Variants in GNPTAB observed in about 807,000 individuals in gnomAD.
The protein encoded by GNPTAB is N-acetylglucosamine-1-phosphotransferase subunits alpha/beta.
GNPTAB carries 92 observed loss-of-function variants against 136.6 expected under a neutral mutation model. That is an observed-to-expected ratio of 0.67 (90% CI 0.57 to 0.80). The LOEUF (loss-of-function observed/expected upper bound fraction) is 0.80. Ranked by LOEUF, GNPTAB falls within the 30% of genes least tolerant of loss-of-function variation. The pLI is 0.00. For synonymous variants in GNPTAB, 512 were observed against 535.1 expected (o/e 0.96, Z 0.60); for missense variants, 1,343 against 1,501.8 (o/e 0.89, Z 1.75).
chr12:101,808,375 T>TA (rs779978335), intron 1 of GNPTAB, among the ~76,000 whole-genome samples: 13,859 of 106,666 alleles, frequency 0.13, 1,106 homozygotes, highest in East Asian at 0.45. Context: ...CCCGGGCAAT[T>TA]AAAAAAAAAA....
intron 11 of GNPTAB, 130 bp from the exon 12 acceptor site, chr12:101,766,424 G>A: frequency 1.3e-6 from 1 of 784,752 alleles, no homozygotes; most frequent in South Asian, 1.4e-5. Context: ...GATCACCTGA[G>A]GTCAGGAGTT....
intron 1 of GNPTAB, among the ~76,000 whole-genome samples, chr12:101,806,783 T>C (rs1869956191): frequency 6.6e-6 from 1 of 151,978 alleles, no homozygotes; most frequent in Non-Finnish European, 1.5e-5. Context: ...AATCAATAAT[T>C]AATAACCTTC....
At chr12:101,805,037 G>C (rs1869858573) in intron 1 of GNPTAB, among the ~76,000 whole-genome samples, 1 of 151,882 alleles carries the variant, frequency 6.6e-6, no homozygotes. Flanking sequence ...CAGACTACTG[G>C]GGAGACAAAT....
intron 9 of GNPTAB, 29 bp from the exon 10 acceptor site, chr12:101,770,220 A>T (rs1290488090): frequency 6.2e-7 from 1 of 1,610,144 alleles, no homozygotes; most frequent in Non-Finnish European, 8.5e-7. Context: ...AAAAAAAGAG[A>T]GTGAATGAGA....
chr12:101,746,949 T>A lies in GNPTAB; in HGVS notation c.*215A>T. On this transcript the variant is annotated 3_prime_UTR_variant, in exon 21 of 21. Coordinates refer to ENST00000299314, the MANE Select transcript of GNPTAB (RefSeq NM_024312.5). ...ATGAGCAAATTCTTTAAAAGTAAAA[T>A]CAGTTCAGAGCTGCTCAACACACAA... 1 of 511,090 alleles carries A rather than the reference T, an allele frequency of 2.0e-6. No homozygotes were observed. The highest frequency in any genetic ancestry group is 3.5e-6 in the Non-Finnish European group (1 of 284,046). 31.7% of individuals were successfully genotyped at this position (511,090 alleles called of 1,614,324 possible).
At chr12:101,780,651 A>AT in intron 5 of GNPTAB, 30 bp from the exon 6 acceptor site, 1 of 1,379,090 alleles carries the variant, frequency 7.3e-7, no homozygotes, top group South Asian at 1.2e-5. Flanking sequence ...AAACAAGCAC[A>AT]TTTTTAATGA....
chr12:101,810,129 C>T (rs974356270), intron 1 of GNPTAB, among the ~76,000 whole-genome samples: 1 of 151,892 alleles, frequency 6.6e-6, no homozygotes, highest in African/African-American at 2.4e-5. Context: ...TGCCTGTACA[C>T]CCAGCTACTT....
At chr12:101,776,003 G>C (rs954524195) in intron 7 of GNPTAB, among the ~76,000 whole-genome samples, 2 of 152,036 alleles carry the variant, frequency 1.3e-5, no homozygotes, top group African/African-American at 2.4e-5. Flanking sequence ...CCATGTCTCT[G>C]ACCCACACAG....
In GNPTAB at chr12:101,746,970, C is replaced by T. The variant is rs1316125482; in HGVS notation, c.*194G>A. On this transcript the variant is annotated 3_prime_UTR_variant, in exon 21 of 21. Coordinates refer to ENST00000299314, the MANE Select transcript of GNPTAB (RefSeq NM_024312.5). ...AAAATCAGTTCAGAGCTGCTCAACA[C>T]ACAAGTTTTCAGTGGGTTGGTTAAA... The T allele has an allele frequency of 6.7e-6, 4 of 593,688 alleles. No individual in the cohort carries two copies. The highest frequency in any genetic ancestry group is 1.2e-5 in the Non-Finnish European group (4 of 329,064). The allele number at this position is 593,688 out of a possible 1,614,324, so 36.8% of individuals were successfully genotyped here.
In GNPTAB at chr12:101,830,586, GGT is replaced by G. The variant is rs753382639; in HGVS notation, c.88_89del (p.Thr30HisfsTer24). On this transcript the variant is annotated frameshift_variant, in exon 1 of 21. Coordinates refer to ENST00000299314, the MANE Select transcript of GNPTAB (RefSeq NM_024312.5). LOFTEE classifies it high-confidence loss of function. ...LYVCFLGVVVTIVSAFQFGEV... is the reference protein window; with the variant it reads ...LYVCFLGVVVXIVSAFQFGEV... ...CTCCGAACTGGAAGGCGGAGACGAT[GGT>G]GACAACGACGCCCAAGAAGCACACG... is the stretch of plus-strand genomic sequence containing the variant. 6.2e-7 allele frequency: 1 copy of G among 1,612,318 alleles called. No individual in the cohort carries two copies. The highest frequency in any genetic ancestry group is 2.2e-5 in the East Asian group (1 of 44,806).
intron 1 of GNPTAB, among the ~76,000 whole-genome samples, chr12:101,800,351 T>TA (rs994862509): frequency 1.3e-5 from 2 of 151,042 alleles, no homozygotes; most frequent in Admixed American, 1.3e-4. Flanking sequence ...ATTTTTTAAT[T>TA]AAAAAAAAAT....
chr12:101,758,172 G>C (rs1258393538), intron 16 of GNPTAB, among the ~76,000 whole-genome samples: 1 of 151,894 alleles, frequency 6.6e-6, no homozygotes, highest in Non-Finnish European at 1.5e-5. Flanking sequence ...CCGAGTAGCT[G>C]GGATTACAGG....
At chr12:101,819,279 T>C (rs1476624481) in intron 1 of GNPTAB, among the ~76,000 whole-genome samples, 1 of 152,224 alleles carries the variant, frequency 6.6e-6, no homozygotes, top group Non-Finnish European at 1.5e-5. Context: ...CCCAAAGTGC[T>C]GGGATTACAG....
chr12:101,763,586 C>T (rs543315109), intron 13 of GNPTAB, among the ~76,000 whole-genome samples: 85 of 152,300 alleles, frequency 5.6e-4, no homozygotes, highest in African/African-American at 2.0e-3. Flanking sequence ...TATCTCAACA[C>T]AGACACATCT....
Position 101,770,202 on chromosome 12 carries a change from C to T in GNPTAB, c.1114-11G>A, listed in dbSNP as rs746794158. The T allele has an allele frequency of 1.2e-6, 2 of 1,613,242 alleles. No homozygotes were observed. The highest frequency in any genetic ancestry group is 1.7e-5 in the Admixed American group (1 of 59,920). ...ATTTCGAAAAACATCCTTTTAACAA[C>T]AACAAACAAAAAAAGAGAGTGAATG... On this transcript the variant is annotated splice_polypyrimidine_tract_variant and intron_variant, in intron 9 of 20. Coordinates refer to ENST00000299314, the MANE Select transcript of GNPTAB (RefSeq NM_024312.5).
At chr12:101,817,099 T>TA (rs1870546665) in intron 1 of GNPTAB, among the ~76,000 whole-genome samples, 1 of 150,132 alleles carries the variant, frequency 6.7e-6, no homozygotes, top group South Asian at 2.1e-4. Flanking sequence ...CAAAAATAGT[T>TA]AGATAGTCCT....
At chr12:101,813,818 C>T (rs1052625381) in intron 1 of GNPTAB, among the ~76,000 whole-genome samples, 2 of 152,024 alleles carry the variant, frequency 1.3e-5, no homozygotes, top group Admixed American at 6.6e-5. Context: ...TGGTGGCTCA[C>T]GCCTGTAATC....
intron 14 of GNPTAB, 32 bp downstream of exon 14, chr12:101,761,532 A>C: frequency 1.9e-6 from 3 of 1,598,240 alleles, no homozygotes; most frequent in East Asian, 4.5e-5. Context: ...TTCTGAACAC[A>C]AGCAAACAAC....
At chr12:101,751,943 A>C (rs1952825363) in intron 19 of GNPTAB, among the ~76,000 whole-genome samples, 1 of 151,982 alleles carries the variant, frequency 6.6e-6, no homozygotes, top group Non-Finnish European at 1.5e-5. Flanking sequence ...AAATGGACCT[A>C]CTACAGAGTT....
Sources: gnomAD v4.1 joint callset for allele counts (sites outside exome capture counted in the v4.1 genomes callset) on GRCh38, gnomAD v4.1.1 for gene constraint, MANE v1.5 for transcripts, NCBI Gene and HGNC (gene_info 2026-07-23, HGNC 2026-07-21) for gene names.